The following JARID2 variants were observed in gnomAD, a reference collection of about 807,000 sequenced individuals.
The protein encoded by JARID2 is jumonji and AT-rich interaction domain containing 2, also known as protein Jumonji.
A neutral mutation model predicts 125.6 loss-of-function variants in JARID2; 21 were observed. The ratio of observed to expected loss-of-function variants is 0.17; its 90% confidence interval spans 0.12 to 0.24. The LOEUF is 0.24. Among genes scored for constraint, JARID2 ranks in the 10% least tolerant of loss-of-function variants. The pLI is 1.00. For synonymous variants in JARID2, 736 were observed against 661.6 expected, an observed-to-expected ratio of 1.11 and a Z score of -1.73; for missense variants, 1,303 against 1,639.6, an observed-to-expected ratio of 0.79 and a Z score of 3.55.
intron 3 of JARID2, among the ~76,000 whole-genome samples, chr6:15,448,233 T>A (rs1037678600): frequency 6.6e-6 from 1 of 152,246 alleles, no homozygotes; most frequent in Non-Finnish European, 1.5e-5. Flanking sequence ...TGCCACTTTT[T>A]AATGTGTTAT....
At chr6:15,518,584 C>T (rs530194476) in intron 17 of JARID2, among the ~76,000 whole-genome samples, 1 of 152,282 alleles carries the variant, frequency 6.6e-6, no homozygotes, top group South Asian at 2.1e-4. Flanking sequence ...CAGGTTCACG[C>T]CATTCTCCTG....
At chr6:15,510,123 G>A (rs1197648665) in intron 12 of JARID2, among the ~76,000 whole-genome samples, 1 of 152,126 alleles carries the variant, frequency 6.6e-6, no homozygotes, top group Non-Finnish European at 1.5e-5. Flanking sequence ...GGGGGCGGGG[G>A]CTGTGGGGAG....
At chr6:15,508,267 T>G (rs1283372583) in intron 11 of JARID2, 73 bp from the exon 12 acceptor site, 2 of 788,924 alleles carry the variant, frequency 2.5e-6, no homozygotes, top group Admixed American at 3.8e-5. Flanking sequence ...AAGAAAGAGA[T>G]TTTTACTTAC....
At chr6:15,476,306 C>T (rs1322253898) in intron 5 of JARID2, among the ~76,000 whole-genome samples, 4 of 152,214 alleles carry the variant, frequency 2.6e-5, no homozygotes, top group African/African-American at 9.6e-5. Flanking sequence ...CATCTTGTTT[C>T]TCCACAAAAG....
intron 1 of JARID2, among the ~76,000 whole-genome samples, chr6:15,337,208 C>A (rs754198668): frequency 2.0e-5 from 3 of 152,198 alleles, no homozygotes; most frequent in Non-Finnish European, 2.9e-5. Context: ...CTCTCTCTTA[C>A]ATGAGAGAGG....
intron 1 of JARID2, among the ~76,000 whole-genome samples, chr6:15,251,857 A>G (rs1759468689): frequency 6.6e-6 from 1 of 152,136 alleles, no homozygotes; most frequent in Non-Finnish European, 1.5e-5. Context: ...GCATGCCTGT[A>G]ATCCCAGCTA....
chr6:15,284,942 G>T (rs1561769752), intron 1 of JARID2, among the ~76,000 whole-genome samples: 1 of 152,052 alleles, frequency 6.6e-6, no homozygotes, highest in Non-Finnish European at 1.5e-5. Context: ...GTCACCCTAA[G>T]AACTGGCTCT....
At chr6:15,289,590 G>C (rs1761130762) in intron 1 of JARID2, among the ~76,000 whole-genome samples, 1 of 152,014 alleles carries the variant, frequency 6.6e-6, no homozygotes, top group Admixed American at 6.6e-5. Context: ...GGCGCAGTGA[G>C]TCACATCTGT....
chr6:15,370,033 GCACTGGATGTTAGA>G (rs1764108800), intron 1 of JARID2, among the ~76,000 whole-genome samples: 1 of 152,154 alleles, frequency 6.6e-6, no homozygotes, highest in Admixed American at 6.5e-5. Flanking sequence ...GTGACTTCTG[GCACTGGATGTTAGA>G]CACTGGCAGG....
At chr6:15,469,932 A>G (rs1477949325) in intron 5 of JARID2, among the ~76,000 whole-genome samples, 1 of 152,082 alleles carries the variant, frequency 6.6e-6, no homozygotes. Context: ...TAATCCCAGG[A>G]CTTTGGGAGG....
At chr6:15,482,461 C>T (rs370187016) in intron 5 of JARID2, among the ~76,000 whole-genome samples, 2 of 152,136 alleles carry the variant, frequency 1.3e-5, no homozygotes, top group Non-Finnish European at 2.9e-5. Flanking sequence ...AAACCAGTTA[C>T]GTGTTAAACA....
chr6:15,407,662 G>A (rs1024298040), intron 2 of JARID2, among the ~76,000 whole-genome samples: 5 of 151,932 alleles, frequency 3.3e-5, no homozygotes, highest in African/African-American at 7.3e-5. Context: ...TCACCACTTC[G>A]TGTTTTTAGG....
intron 3 of JARID2, among the ~76,000 whole-genome samples, chr6:15,424,978 A>G (rs771933434): frequency 6.6e-6 from 1 of 152,196 alleles, no homozygotes; most frequent in Non-Finnish European, 1.5e-5. Flanking sequence ...TTTTATTCTC[A>G]TAGCAAAATC....
At chr6:15,468,426 C>T in intron 4 of JARID2, 116 bp from the exon 5 acceptor site, 1 of 811,286 alleles carries the variant, frequency 1.2e-6, no homozygotes, top group Non-Finnish European at 1.9e-6. Flanking sequence ...TTTAAAATGG[C>T]AGTAGAGATC....
intron 16 of JARID2, among the ~76,000 whole-genome samples, 166 bp downstream of exon 16, chr6:15,513,588 G>A (rs1771386415): frequency 6.6e-6 from 1 of 152,250 alleles, no homozygotes; most frequent in Non-Finnish European, 1.5e-5. Flanking sequence ...CGCCGGAGGT[G>A]GCTGCCTCAC....
intron 6 of JARID2, among the ~76,000 whole-genome samples, chr6:15,495,607 T>G (rs1327373079): frequency 6.6e-6 from 1 of 152,226 alleles, no homozygotes; most frequent in Non-Finnish European, 1.5e-5. Context: ...TCCTTCTTTT[T>G]TTAGCCATAG....
At chr6:15,336,367 A>T (rs1762879230) in intron 1 of JARID2, among the ~76,000 whole-genome samples, 1 of 152,262 alleles carries the variant, frequency 6.6e-6, no homozygotes, top group South Asian at 2.1e-4. Context: ...CTAAGATTAA[A>T]TGTTTGTGGC....
intron 2 of JARID2, among the ~76,000 whole-genome samples, chr6:15,391,192 C>T (rs1453398365): frequency 6.6e-6 from 1 of 152,134 alleles, no homozygotes; most frequent in Non-Finnish European, 1.5e-5. Context: ...CAGGCCTCAC[C>T]CTAGGGCTTG....
At chr6:15,366,605 G>C (rs1246954550) in intron 1 of JARID2, among the ~76,000 whole-genome samples, 1 of 151,902 alleles carries the variant, frequency 6.6e-6, no homozygotes, top group Non-Finnish European at 1.5e-5. Flanking sequence ...TGTGTTAGGA[G>C]ATCTTCCTGC....
Sources: allele counts gnomAD v4.1 joint callset (sites outside exome capture counted in the v4.1 genomes callset), GRCh38; gene constraint gnomAD v4.1.1; transcripts MANE v1.5; gene names NCBI Gene and HGNC (gene_info 2026-07-23, HGNC 2026-07-21).